The following CYLD variants were observed in gnomAD, a reference collection of about 807,000 sequenced individuals.
CYLD encodes the protein CYLD lysine 63 deubiquitinase.
In CYLD, 26 loss-of-function variants were observed where a neutral mutation model predicts 104.5. The ratio of observed to expected loss-of-function variants is 0.25; its 90% CI spans 0.18 to 0.35. The LOEUF (loss-of-function observed/expected upper bound fraction) is 0.35, where lower values mean the gene tolerates loss of function less well. Among genes scored for constraint, CYLD ranks in the 10% least tolerant of loss-of-function variants. The pLI, the probability that CYLD is intolerant of heterozygous loss-of-function variation, is 1.00. For missense variants in CYLD, 703 were observed against 1,136.1 expected (o/e 0.62, Z 5.48); for synonymous variants, 385 against 399.9 (o/e 0.96, Z 0.45).
At chr16:50,787,907 C>G in intron 14 of CYLD, 55 bp downstream of exon 14, 1 of 1,007,170 alleles carries the variant, frequency 9.9e-7, no homozygotes, top group Non-Finnish European at 1.5e-6. Flanking sequence ...CTCATTTCTA[C>G]TGCCATTATT....
At chr16:50,768,110 A>G (rs1968718916) in intron 5 of CYLD, among the ~76,000 whole-genome samples, 1 of 152,198 alleles carries the variant, frequency 6.6e-6, no homozygotes, top group South Asian at 2.1e-4. Flanking sequence ...GTGAAGAGAA[A>G]GAAAAAGAAT....
At chr16:50,754,472 A>T (rs1966842507) in intron 5 of CYLD, 48 bp downstream of exon 5, 1 of 1,285,728 alleles carries the variant, frequency 7.8e-7, no homozygotes, top group African/African-American at 1.5e-5. Context: ...TTTATTTTTT[A>T]ATTTTTTATT....
chr16:50,787,821 A>C lies in CYLD; in HGVS notation c.2077A>C (p.Ile693Leu). The C allele has an allele frequency of 6.4e-7, 1 of 1,557,152 alleles. No homozygotes were observed. The highest frequency in any genetic ancestry group is 8.8e-7 in the Non-Finnish European group (1 of 1,131,270). The change falls in exon 14 of 19, where the codon ATT becomes CTT. Residue 693 changes from isoleucine (I) to leucine (L), a missense_variant. Around this residue, in one of 5 missense-constraint regions of CYLD, gnomAD observed 125 missense variants for 325.4 expected, o/e 0.38. Transcript: ENST00000427738. ...ATTCTTGAATATTCTGTTTCATCAT[A>C]TTTTAAGGGTAGAACCTTTGCTAAA... ...EEFLNILFHH[I>L]LRVEPLLKIR...
intron 5 of CYLD, among the ~76,000 whole-genome samples, chr16:50,768,354 A>T (rs72796383): frequency 0.015 from 2,315 of 152,290 alleles, 33 homozygotes; most frequent in Non-Finnish European, 0.023. Context: ...TTGAGGGGAA[A>T]AAAAAGTCAA....
At chr16:50,787,179 A>G (rs1970926112) in intron 13 of CYLD, 2 of 511,390 alleles carry the variant, frequency 3.9e-6, no homozygotes, top group Admixed American at 3.3e-5. Context: ...CTAGTATATT[A>G]AATGCTTAAA....
intron 5 of CYLD, among the ~76,000 whole-genome samples, chr16:50,762,360 GT>G (rs1175927217): frequency 6.6e-6 from 1 of 152,102 alleles, no homozygotes; most frequent in African/African-American, 2.4e-5. Context: ...CTTAGATTTG[GT>G]TTTGAACAGG....
At position 50,789,052 on chromosome 16, in the gene CYLD, G is replaced by GA. The variant is rs200303404; in HGVS notation, c.2108+1206dup. The stretch of plus-strand genomic sequence containing the variant: ...TAGAGTTCTCTACAAAATGAAGTGG[G>GA]AAAAAATCTTGAAGAATGCTTTTAA... On this transcript the variant is annotated intron_variant, in intron 14 of 18. Transcript: ENST00000427738. Among the ~76,000 whole-genome samples, 45 of 152,222 alleles carry GA rather than the reference G, an allele frequency of 3.0e-4. 1 individual carries two copies. The South Asian group carries it at 5.4e-3, about 18-fold the overall frequency.
rs1264094749 is a variant in CYLD at position 50,800,684 on chromosome 16, A to G, written c.*4176A>G. ...ATTACATTATTTCTTACCATTTGCTACTTTATAATGAAAATTTAAAAATTA... is the reference window on the plus strand; with the variant it reads ...ATTACATTATTTCTTACCATTTGCTGCTTTATAATGAAAATTTAAAAATTA... On this transcript the variant is annotated 3_prime_UTR_variant, in exon 19 of 19. Transcript: ENST00000427738. The G allele has an allele frequency of 8.6e-6, 2 of 232,608 alleles. No homozygotes were observed. Among genetic ancestry groups the G allele is most frequent in the East Asian group, 6.1e-5 (1 of 16,464 alleles). The allele number at this position is 232,608 out of a possible 1,614,324, so 14.4% of individuals were successfully genotyped here.
chr16:50,781,140 A>C (rs1970179949), intron 9 of CYLD, 106 bp from the exon 10 acceptor site: 4 of 1,184,234 alleles, frequency 3.4e-6, no homozygotes, highest in Non-Finnish European at 5.0e-6. Flanking sequence ...GCGAAGAGGG[A>C]GTGGTGAGAA....
chr16:50,755,408 C>T (rs1967105275), intron 5 of CYLD, among the ~76,000 whole-genome samples: 1 of 152,092 alleles, frequency 6.6e-6, no homozygotes, highest in African/African-American at 2.4e-5. Context: ...AGTGGGATTG[C>T]TGGATCAAAC....
rs145519346 is a variant in CYLD, at chr16:50,798,492, C to G, written c.*1984C>G. ...GATGTGTGTCAGTTATATGCAAATT[C>G]TGTACCATTTTGTATCAGGGAATTG... On this transcript the variant is annotated 3_prime_UTR_variant, in exon 19 of 19. Transcript: ENST00000427738. 1 of 232,070 alleles carries G rather than the reference C, an allele frequency of 4.3e-6. No homozygotes were observed. The highest frequency in any genetic ancestry group is 8.5e-6 in the Non-Finnish European group (1 of 117,636). 14.4% of individuals were successfully genotyped at this position (232,070 alleles called of 1,614,324 possible).
intron 5 of CYLD, among the ~76,000 whole-genome samples, chr16:50,759,069 C>G (rs1398919273): frequency 6.6e-6 from 1 of 151,998 alleles, no homozygotes; most frequent in African/African-American, 2.4e-5. Flanking sequence ...CGAACCCCCC[C>G]GTCTCTACTA....
rs1567425083 is a variant in CYLD, at chr16:50,754,302, T to C, written c.808-17T>C. On this transcript the variant is annotated splice_polypyrimidine_tract_variant and intron_variant, in intron 4 of 18. Transcript: ENST00000427738. ...TTTCATTGAGGAGGATTTTAATGTT[T>C]ATTATTTAATTTCTAGGATAACCCT... 6.6e-7 allele frequency: 1 copy of C among 1,504,820 alleles called. No individual in the cohort carries two copies. Among genetic ancestry groups the C allele is most frequent in the East Asian group, 2.3e-5 (1 of 44,238 alleles). The allele number at this position is 1,504,820 out of a possible 1,614,324, so 93.2% of individuals were successfully genotyped here.
At chr16:50,742,705 A>G (rs1965812158) in intron 1 of CYLD, 57 bp from the exon 2 acceptor site, 2 of 398,218 alleles carry the variant, frequency 5.0e-6, no homozygotes, top group Non-Finnish European at 8.9e-6. Flanking sequence ...GCTCCCGTCC[A>G]GGAATGGCAG....
At chr16:50,758,864 T>C (rs1305982078) in intron 5 of CYLD, among the ~76,000 whole-genome samples, 1 of 152,172 alleles carries the variant, frequency 6.6e-6, no homozygotes, top group East Asian at 1.9e-4. Context: ...TTAAACAATT[T>C]CATTTGAATG....
intron 5 of CYLD, among the ~76,000 whole-genome samples, chr16:50,763,672 C>T (rs947328297): frequency 1.3e-5 from 2 of 152,182 alleles, no homozygotes; most frequent in African/African-American, 4.8e-5. Context: ...ATAAAATATT[C>T]AGTCATTATA....
At position 50,797,305 on chromosome 16, in the gene CYLD, A is replaced by C. The variant is rs1482091881; in HGVS notation, c.*797A>C. ...GAATGGGGCAAAGTAAATTGATGAA[A>C]GAATTGGAGTGATAATAGTCCTTTA... is the stretch of plus-strand genomic sequence containing the variant. On this transcript the variant is annotated 3_prime_UTR_variant, in exon 19 of 19. Coordinates refer to ENST00000427738, the MANE Select transcript of CYLD (RefSeq NM_001378743.1). The C allele has an allele frequency of 2.6e-5, 6 of 232,484 alleles. No homozygotes were observed. In the East Asian group the frequency reaches 3.6e-4, roughly 14 times the overall value. The allele number at this position is 232,484 out of a possible 1,614,324, so 14.4% of individuals were successfully genotyped here.
chr16:50,795,705 C>T, intron 18 of CYLD: 1 of 670,694 alleles, frequency 1.5e-6, no homozygotes, highest in Non-Finnish European at 2.7e-6. Flanking sequence ...CATCCCAGCC[C>T]CATCTGTAGA....
At chr16:50,773,680 C>T (rs1597035332) in intron 5 of CYLD, among the ~76,000 whole-genome samples, 1 of 152,256 alleles carries the variant, frequency 6.6e-6, no homozygotes, top group East Asian at 1.9e-4. Flanking sequence ...CCATATTTAT[C>T]TTTTTCTGAG....
Sources: gnomAD v4.1 joint callset for allele counts (sites outside exome capture counted in the v4.1 genomes callset) on GRCh38, gnomAD v4.1.1 for gene constraint, gnomAD v4.1.1 regional missense constraint, MANE v1.5 for transcripts, NCBI Gene and HGNC (gene_info 2026-07-23, HGNC 2026-07-21) for gene names.